Variants in BRWD1 observed in about 807,000 individuals in gnomAD.
BRWD1 encodes bromodomain and WD repeat domain containing 1, also known as bromodomain and WD repeat-containing protein 1.
In BRWD1, 82 loss-of-function variants were observed where a neutral mutation model predicts 251.2. That is an observed-to-expected ratio of 0.33 (90% CI 0.27 to 0.39). The LOEUF (loss-of-function observed/expected upper bound fraction) is 0.39. BRWD1 is among the 10% of genes least tolerant of loss of function. BRWD1 has a pLI of 1.00. For synonymous variants in BRWD1, 918 were observed against 902.8 expected (o/e 1.02, Z -0.30); for missense variants, 2,233 against 2,711.6 (o/e 0.82, Z 3.92).
intron 5 of BRWD1, 163 bp downstream of exon 5, chr21:39,298,269 A>C (rs1247486185): frequency 7.8e-7 from 1 of 1,288,278 alleles, no homozygotes; most frequent in African/African-American, 1.5e-5. Flanking sequence ...ACACTTATGT[A>C]ATAAAATTCA....
At chr21:39,288,813 T>C (rs2035721142) in intron 8 of BRWD1, among the ~76,000 whole-genome samples, 1 of 152,198 alleles carries the variant, frequency 6.6e-6, no homozygotes, top group African/African-American at 2.4e-5. Context: ...CCTCATTGTC[T>C]TCATGTTGAA....
chr21:39,187,094 G>A lies in BRWD1; in HGVS notation c.*9165C>T, dbSNP rs1331871845. The A allele has an allele frequency of 3.7e-6, 6 of 1,602,876 alleles. No individual in the cohort carries two copies. In the East Asian group the frequency reaches 1.1e-4, roughly 30 times the overall value. On this transcript the variant is annotated 3_prime_UTR_variant, in exon 41 of 41. Transcript: ENST00000342449. ...AGCATTTTTCTATTAATATCTTCTA[G>A]CTCTTTTTCACTTTCAGAATTTATG...
At chr21:39,293,386 G>A (rs938803865) in intron 8 of BRWD1, among the ~76,000 whole-genome samples, 21 of 151,666 alleles carry the variant, frequency 1.4e-4, no homozygotes, top group Non-Finnish European at 1.8e-4. Context: ...CTAGCTACTC[G>A]GGAGGCTGAG....
intron 21 of BRWD1, among the ~76,000 whole-genome samples, chr21:39,241,881 T>C (rs979400115): frequency 6.6e-6 from 1 of 152,222 alleles, no homozygotes; most frequent in Non-Finnish European, 1.5e-5. Context: ...TGATTTGTGA[T>C]TAATGATCTT....
upstream of BRWD1, chr21:39,313,808 A>AGGCAAAGACCTGGGCGCCGCAGC (rs1355610691): frequency 1.9e-4 from 67 of 359,422 alleles, no homozygotes; most frequent in African/African-American, 5.8e-4. Flanking sequence ...AGTGACGCGG[A>AGGCAAAGACCTGGGCGCCGCAGC]GGCAAAGACC....
At chr21:39,296,897 T>C (rs984112241) in intron 5 of BRWD1, 6 of 983,980 alleles carry the variant, frequency 6.1e-6, no homozygotes, top group Non-Finnish European at 7.2e-6. Flanking sequence ...AAAAAGTTCT[T>C]TGATTTATAT....
Position 39,206,162 on chromosome 21 carries a change from C to G in BRWD1, c.4310G>C (p.Arg1437Thr), listed in dbSNP as rs1296388762. ...KFNEKLRRSQ[R>T]FKQRQNCKGD... ...TTTACAATTTTGCCGTTGCTTGAACCTCTGGCTTCTTCGAAGTTTTTCATT... is the reference window on the plus strand; with the variant it reads ...TTTACAATTTTGCCGTTGCTTGAACGTCTGGCTTCTTCGAAGTTTTTCATT... The change falls in exon 37 of 41, where the codon AGG (arginine) becomes ACG (threonine). Residue 1437 changes from arginine (R) to threonine (T), a missense_variant. Around this residue, in one of 12 missense-constraint regions of BRWD1, gnomAD observed 928 missense variants for 970.0 expected, o/e 0.96. Transcript: ENST00000342449. 1.1e-5 allele frequency: 18 copies of G among 1,613,740 alleles called. No homozygotes were observed. The highest frequency in any genetic ancestry group is 1.5e-5 in the Non-Finnish European group (18 of 1,179,894).
At chr21:39,253,635 T>A (rs1313843775) in intron 19 of BRWD1, among the ~76,000 whole-genome samples, 2 of 152,218 alleles carry the variant, frequency 1.3e-5, no homozygotes, top group Non-Finnish European at 2.9e-5. Context: ...CATTTTGCTT[T>A]TCACTATTTT....
chr21:39,311,089 C>G (rs1304168521), intron 4 of BRWD1, among the ~76,000 whole-genome samples: 1 of 151,760 alleles, frequency 6.6e-6, no homozygotes, highest in East Asian at 1.9e-4. Flanking sequence ...CATATTATCA[C>G]AGAATTTAAG....
chr21:39,200,547 CTGA>C (rs1427136651), intron 38 of BRWD1, 161 bp from the exon 39 acceptor site: 10 of 559,538 alleles, frequency 1.8e-5, no homozygotes, highest in African/African-American at 1.7e-4. Flanking sequence ...CCAAAAAAAG[CTGA>C]TGAAATTTGG....
intron 4 of BRWD1, among the ~76,000 whole-genome samples, chr21:39,312,098 C>T (rs1332510208): frequency 2.0e-5 from 3 of 152,204 alleles, no homozygotes; most frequent in African/African-American, 7.2e-5. Context: ...ATCCCTGCAA[C>T]TGCTGTAACT....
chr21:39,238,148 T>C (rs1306778293), intron 22 of BRWD1, among the ~76,000 whole-genome samples: 3 of 152,080 alleles, frequency 2.0e-5, no homozygotes, highest in Non-Finnish European at 2.9e-5. Flanking sequence ...TAACAAAAAT[T>C]CAACACATGC....
upstream of BRWD1, chr21:39,313,674 G>GGGAGGA: frequency 1.2e-5 from 5 of 415,300 alleles, no homozygotes; most frequent in Non-Finnish European, 1.7e-5. Context: ...TCCTCCGCGG[G>GGGAGGA]AGACGAAAAG....
At position 39,191,238 on chromosome 21, in the gene BRWD1, C is replaced by T. The variant is rs961434158; in HGVS notation, c.*5021G>A. 4.1e-6 allele frequency: 4 copies of T among 985,166 alleles called. No homozygotes were observed. The highest frequency in any genetic ancestry group is 6.2e-5 in the Admixed American group (1 of 16,236). 61.0% of individuals were successfully genotyped at this position (985,166 alleles called of 1,614,324 possible). ...CCCTTTTCCAGCAGGGCTCCTGACT[C>T]GCTTCAGTTCCCCTATCCAAGCTCA... On this transcript the variant is annotated 3_prime_UTR_variant, in exon 41 of 41. Coordinates refer to ENST00000342449, the MANE Select transcript of BRWD1 (RefSeq NM_033656.4).
intron 21 of BRWD1, among the ~76,000 whole-genome samples, chr21:39,244,921 A>AATAAATATATATATATATATATAT (rs1330847340): frequency 4.1e-4 from 46 of 112,526 alleles, no homozygotes; most frequent in Non-Finnish European, 7.4e-4. Context: ...CTTTGGAAGA[A>AATAAATATATATATATATATATAT]ATATATATAT....
chr21:39,298,085 A>G lies in BRWD1; in HGVS notation c.349+347T>C, dbSNP rs1237825423. The G allele has an allele frequency of 7.0e-6, 7 of 996,826 alleles. No homozygotes were observed. The African/African-American group carries it at 1.2e-4, about 17-fold the overall frequency. 61.7% of individuals were successfully genotyped at this position (996,826 alleles called of 1,614,324 possible). Reference sequence around the variant, plus strand: ...ATCAAATGAAATACCTCTAGCATTTAAAGAGTTTATTAGACACATACAATT... The same window carrying G: ...ATCAAATGAAATACCTCTAGCATTTGAAGAGTTTATTAGACACATACAATT... On this transcript the variant is annotated intron_variant, in intron 5 of 40. Transcript: ENST00000342449.
intron 21 of BRWD1, among the ~76,000 whole-genome samples, chr21:39,244,047 G>A (rs919812823): frequency 1.3e-5 from 2 of 151,898 alleles, no homozygotes; most frequent in Admixed American, 1.3e-4. Context: ...GTAAGGCAGG[G>A]TTTCTGCTCT....
Position 39,192,539 on chromosome 21 carries a change from A to G in BRWD1, c.*3720T>C, listed in dbSNP as rs916232161. On this transcript the variant is annotated 3_prime_UTR_variant, in exon 41 of 41. Coordinates refer to ENST00000342449, the MANE Select transcript of BRWD1 (RefSeq NM_033656.4). ...GTTCTACAATGACTTGTTGCACTCT[A>G]TCACATTAAAATAATTGAACTATAA... is the stretch of plus-strand genomic sequence containing the variant. 1 of 984,100 alleles carries G rather than the reference A, an allele frequency of 1.0e-6. No homozygotes were observed. The highest frequency in any genetic ancestry group is 1.7e-5 in the African/African-American group (1 of 57,196). 61.0% of individuals were successfully genotyped at this position (984,100 alleles called of 1,614,324 possible).
rs745426587 is a variant in BRWD1 at position 39,199,326 on chromosome 21, T to A, written c.5090A>T (p.Asn1697Ile). ...EIEEEELKDE[N>I]QLLPVSSSHT... The stretch of plus-strand genomic sequence containing the variant: ...AGAACTGGACACTGGTAATAGTTGA[T>A]TTTCATCTTTTAGCTCCTCTTCTTC... Residue 1697 changes from asparagine to isoleucine, a missense_variant, in exon 40 of 41, where the codon AAT (asparagine) becomes ATT (isoleucine). Transcript: ENST00000342449. 3.7e-6 allele frequency: 6 copies of A among 1,614,194 alleles called. No homozygotes were observed. Among genetic ancestry groups the A allele is most frequent in the Non-Finnish European group, 4.2e-6 (5 of 1,180,026 alleles).
Sources: allele counts gnomAD v4.1 joint callset (sites outside exome capture counted in the v4.1 genomes callset), GRCh38; gene constraint gnomAD v4.1.1; regional missense constraint gnomAD v4.1.1; transcripts MANE v1.5; gene names NCBI Gene and HGNC (gene_info 2026-07-23, HGNC 2026-07-21).